TSPAN17: variants seen among roughly 807,000 people sequenced by gnomAD.
The protein encoded by TSPAN17 is tetraspanin-17.
TSPAN17 carries 33 observed loss-of-function variants against 40.5 expected under a neutral mutation model. That is an observed-to-expected ratio of 0.81 (90% CI 0.62 to 1.09). TSPAN17 has a LOEUF of 1.09. TSPAN17 is among the 50% of genes least tolerant of loss of function. TSPAN17 has a pLI of 0.00. For synonymous variants in TSPAN17, 166 were observed against 169.4 expected (o/e 0.98, Z 0.15); for missense variants, 365 against 416.8 (o/e 0.88, Z 1.08).
At chr5:176,653,025 G>T (rs77741894) in intron 4 of TSPAN17, 112 bp downstream of exon 4, 326 of 1,220,198 alleles carry the variant, frequency 2.7e-4, no homozygotes, top group Non-Finnish European at 3.6e-4. Flanking sequence ...GGGCTAGCGG[G>T]CCCCAGGAGA....
chr5:176,649,083 G>C (rs1037560134), intron 1 of TSPAN17, among the ~76,000 whole-genome samples: 6 of 152,244 alleles, frequency 3.9e-5, no homozygotes, highest in African/African-American at 1.4e-4. Flanking sequence ...GGAGAAGCGA[G>C]GGCTTCCAGT....
At chr5:176,648,818 T>C (rs559084070) in intron 1 of TSPAN17, among the ~76,000 whole-genome samples, 79 of 152,232 alleles carry the variant, frequency 5.2e-4, no homozygotes, top group South Asian at 3.9e-3. Context: ...TTCAATTTGT[T>C]GTATTCTCAC....
Position 176,654,988 on chromosome 5 carries a change from G to A in TSPAN17, c.550G>A (p.Val184Met). ...DLNPSRERCGVPFSCCVRDPA... is the reference protein window; with the variant it reads ...DLNPSRERCGMPFSCCVRDPA... The stretch of plus-strand genomic sequence containing the variant: ...GAACCCCAGCCGGGAGCGCTGCGGG[G>A]TGCCCTTCTCCTGCTGCGTCAGGGA... Residue 184 changes from valine to methionine, a missense_variant, in exon 5 of 9, where the codon GTG becomes ATG. Val to Met is a conservative substitution (Grantham distance 21, BLOSUM62 1). Transcript: ENST00000508164. This position sits in a 1 kb window ranked among gnomAD's most constrained non-coding sequence, Gnocchi z 4.3. The A allele has an allele frequency of 6.2e-7, 1 of 1,610,482 alleles. No individual in the cohort carries two copies. Among genetic ancestry groups the A allele is most frequent in the African/African-American group, 1.3e-5 (1 of 75,000 alleles).
chr5:176,647,963 G>A (rs1461841846), intron 1 of TSPAN17, among the ~76,000 whole-genome samples: 2 of 152,216 alleles, frequency 1.3e-5, no homozygotes, highest in Non-Finnish European at 2.9e-5. Context: ...GCCTGGTGGA[G>A]AAAGGGAAGG....
At chr5:176,657,299 G>C in intron 8 of TSPAN17, 1 of 795,550 alleles carries the variant, frequency 1.3e-6, no homozygotes, top group South Asian at 1.8e-5. Flanking sequence ...GGGAGGTGCT[G>C]TGTGGAGGGT....
chr5:176,657,822 C>T lies in TSPAN17; in HGVS notation c.*124C>T, dbSNP rs1342918901. 18 of 1,483,666 alleles carry T rather than the reference C, an allele frequency of 1.2e-5. No homozygotes were observed. In the East Asian group the frequency reaches 1.9e-4, roughly 15 times the overall value. 91.9% of individuals were successfully genotyped at this position (1,483,666 alleles called of 1,614,324 possible). A position where few individuals can be genotyped will look rare whatever the true frequency, so the allele number is the denominator to read the frequency against. On this transcript the variant is annotated 3_prime_UTR_variant, in exon 9 of 9. Transcript: ENST00000508164. The stretch of plus-strand genomic sequence containing the variant: ...CAGTCACCAAGGGCCCCAGCTGGCC[C>T]GTTCTACTCACCTAAGTGCCGCCTG...
chr5:176,648,500 C>G (rs932389680), intron 1 of TSPAN17, among the ~76,000 whole-genome samples: 1 of 152,268 alleles, frequency 6.6e-6, no homozygotes, highest in Non-Finnish European at 1.5e-5. Context: ...GCAGTCTCTG[C>G]TCCTGAGGCC....
At chr5:176,652,701 C>A in intron 3 of TSPAN17, 42 bp from the exon 4 acceptor site, 1 of 1,600,766 alleles carries the variant, frequency 6.2e-7, no homozygotes, top group Non-Finnish European at 8.5e-7. Context: ...GTCACCAGAG[C>A]CCTGCGTTTC....
intron 1 of TSPAN17, among the ~76,000 whole-genome samples, chr5:176,649,266 CTGGGCTGGGTCACTTG>C (rs1760869252): frequency 6.6e-6 from 1 of 151,970 alleles, no homozygotes; most frequent in Non-Finnish European, 1.5e-5. Flanking sequence ...GCTGAATTGA[CTGGGCTGGGTCACTTG>C]GGGGCTGGAG....
Position 176,654,728 on chromosome 5 carries a change from C to G in TSPAN17, c.457-167C>G. The G allele has an allele frequency of 1.3e-6, 1 of 785,928 alleles. No individual in the cohort carries two copies. Among genetic ancestry groups the G allele is most frequent in the Non-Finnish European group, 2.0e-6 (1 of 502,524 alleles). 48.7% of individuals were successfully genotyped at this position (785,928 alleles called of 1,614,324 possible). A position where few individuals can be genotyped will look rare whatever the true frequency, so the allele number is the denominator to read the frequency against. On this transcript the variant is annotated intron_variant, in intron 4 of 8. Coordinates refer to ENST00000508164, the MANE Select transcript of TSPAN17 (RefSeq NM_130465.5). The surrounding 1 kb of genome is among the most constrained non-coding windows in gnomAD (Gnocchi z 4.3). ...CTTGCACCCCTCTGCCTCCACCAGCCTGGAGGTTGGGCCCAGGCCTGTGGG... is the reference window on the plus strand; with the variant it reads ...CTTGCACCCCTCTGCCTCCACCAGCGTGGAGGTTGGGCCCAGGCCTGTGGG...
Position 176,647,675 on chromosome 5 carries a change from C to G in TSPAN17, c.60C>G (p.Phe20Leu), listed in dbSNP as rs766829943. 1.5e-5 allele frequency: 24 copies of G among 1,604,082 alleles called. No individual in the cohort carries two copies. The highest frequency in any genetic ancestry group is 2.0e-5 in the Non-Finnish European group (23 of 1,175,966). Residue 20 changes from phenylalanine (F) to leucine (L), a missense_variant, in exon 1 of 9, where the codon TTC (phenylalanine) becomes TTG (leucine). Transcript: ENST00000508164. ...EPEVGCCGKY[F>L]LFGFNIVFWV... ...AGGTCGGCTGCTGCGGGAAATACTT[C>G]CTGTTTGGCTTCAACATTGTCTTCT...
In TSPAN17 at chr5:176,654,555, G is replaced by C. The variant is rs188174330; in HGVS notation, c.457-340G>C. Reference sequence around the variant, plus strand: ...GCCTGCTGCAGACATGGGGCCCAGCGGTCTCTGCTGCCACAGGGCTTGGCC... The same window carrying C: ...GCCTGCTGCAGACATGGGGCCCAGCCGTCTCTGCTGCCACAGGGCTTGGCC... On this transcript the variant is annotated intron_variant, in intron 4 of 8. Coordinates refer to ENST00000508164, the MANE Select transcript of TSPAN17 (RefSeq NM_130465.5). This position sits in a 1 kb window ranked among gnomAD's most constrained non-coding sequence, Gnocchi z 4.3. 7.8e-6 allele frequency: 2 copies of C among 254,846 alleles called. No individual in the cohort carries two copies. The highest frequency in any genetic ancestry group is 1.5e-5 in the Non-Finnish European group (2 of 131,250). The allele number at this position is 254,846 out of a possible 1,614,324, so 15.8% of individuals were successfully genotyped here.
At chr5:176,649,686 C>T (rs1384060972) in intron 1 of TSPAN17, among the ~76,000 whole-genome samples, 1 of 152,210 alleles carries the variant, frequency 6.6e-6, no homozygotes, top group Admixed American at 6.5e-5. Context: ...CTTGGCCTCC[C>T]AAAGTGCTGG....
intron 3 of TSPAN17, among the ~76,000 whole-genome samples, chr5:176,652,212 C>T (rs995165724): frequency 6.6e-6 from 1 of 152,228 alleles, no homozygotes; most frequent in Non-Finnish European, 1.5e-5. Context: ...GGGCTCCCCC[C>T]GTTTGGCTCC....
chr5:176,654,885 GC>G lies in TSPAN17; in HGVS notation c.457-5del, dbSNP rs747587395. On this transcript the variant is annotated splice_polypyrimidine_tract_variant and intron_variant, in intron 4 of 8. Coordinates refer to ENST00000508164, the MANE Select transcript of TSPAN17 (RefSeq NM_130465.5). This position sits in a 1 kb window ranked among gnomAD's most constrained non-coding sequence, Gnocchi z 4.3. ...CCTGGCTCACCTGGGGCTCTCCCCTGCCCCCACAGTGGTCTTGCTGCGGAGC... is the reference window on the plus strand; with the variant it reads ...CCTGGCTCACCTGGGGCTCTCCCCTGCCCCACAGTGGTCTTGCTGCGGAGC... 6.2e-7 allele frequency: 1 copy of G among 1,613,402 alleles called. No homozygotes were observed. Among genetic ancestry groups the G allele is most frequent in the Non-Finnish European group, 8.5e-7 (1 of 1,179,702 alleles).
rs537991592 is a variant in TSPAN17, at chr5:176,651,397, T to C, written c.88-219T>C. Among the ~76,000 whole-genome samples the C allele has an allele frequency of 7.4e-4, 113 of 152,246 alleles. 1 individual carries two copies. The highest frequency in any genetic ancestry group is 2.6e-3 in the African/African-American group (110 of 41,534). On this transcript the variant is annotated intron_variant, in intron 1 of 8. Transcript: ENST00000508164. The surrounding 1 kb of genome is among the most constrained non-coding windows in gnomAD (Gnocchi z 4.5). The stretch of plus-strand genomic sequence containing the variant: ...TCCAGGAAGGGGCCCCTGATGTCCA[T>C]CCCAAGGCTAGCAGAGGGTTCAGTC...
intron 8 of TSPAN17, 148 bp from the exon 9 acceptor site, chr5:176,657,370 C>T (rs963424499): frequency 1.8e-5 from 24 of 1,359,644 alleles, no homozygotes; most frequent in East Asian, 5.0e-5. Flanking sequence ...CTGTATGGGG[C>T]GCGTTGCCTG....
In TSPAN17 at chr5:176,652,838, C is replaced by T; in HGVS notation, c.381C>T (p.Leu127=). Residue 127 remains leucine, a synonymous_variant, in exon 4 of 9, where the codon CTC becomes CTT. Transcript: ENST00000508164. ...FKDWIRDQLN[L]FINNNVKAYR... Reference sequence around the variant, plus strand: ...ACTGGATTCGAGACCAGCTCAACCTCTTCATCAACAACAACGTCAAGGCCT... The same window carrying T: ...ACTGGATTCGAGACCAGCTCAACCTTTTCATCAACAACAACGTCAAGGCCT... 1 of 1,614,242 alleles carries T rather than the reference C, an allele frequency of 6.2e-7. No homozygotes were observed. Among genetic ancestry groups the T allele is most frequent in the Non-Finnish European group, 8.5e-7 (1 of 1,180,034 alleles).
At position 176,652,929 on chromosome 5, in the gene TSPAN17, A is replaced by G; in HGVS notation, c.456+16A>G. On this transcript the variant is annotated intron_variant, in intron 4 of 8. Transcript: ENST00000508164. ...TCAGGAATACGTGAGTCCAGTGTCC[A>G]GCCTGGGACACCTGTAGGAGGCGCC... 6.2e-7 allele frequency: 1 copy of G among 1,613,260 alleles called. No individual in the cohort carries two copies. The highest frequency in any genetic ancestry group is 8.5e-7 in the Non-Finnish European group (1 of 1,179,240).
Sources: allele counts gnomAD v4.1 joint callset (sites outside exome capture counted in the v4.1 genomes callset), GRCh38; gene constraint gnomAD v4.1.1; non-coding constraint Gnocchi (gnomAD v3.1); transcripts MANE v1.5; gene names NCBI Gene and HGNC (gene_info 2026-07-23, HGNC 2026-07-21).